Variants in YAF2 observed in about 807,000 individuals in gnomAD.
YAF2 encodes the protein YY1 associated factor 2.
In YAF2, 7 loss-of-function variants were observed where a neutral mutation model predicts 20.1. The observed-to-expected ratio is 0.35, with a 90% CI of 0.20 to 0.65. YAF2 has a LOEUF of 0.65. Ranked by LOEUF, YAF2 falls within the 30% of genes least tolerant of loss-of-function variation. The pLI is 0.69. For missense variants in YAF2, 151 were observed against 219.2 expected (o/e 0.69, Z 1.96); for synonymous variants, 74 against 76.0 (o/e 0.97, Z 0.14).
chr12:42,175,417 A>G (rs2066155325), intron 2 of YAF2, among the ~76,000 whole-genome samples: 1 of 152,064 alleles, frequency 6.6e-6, no homozygotes, highest in South Asian at 2.1e-4. Context: ...ACTCCAGAAA[A>G]TAATGGATGT....
chr12:42,213,846 TTTATC>T (rs2067279179), intron 2 of YAF2, among the ~76,000 whole-genome samples: 3 of 152,144 alleles, frequency 2.0e-5, no homozygotes, highest in South Asian at 2.1e-4. Flanking sequence ...CTCATTCTCT[TTTATC>T]TAATCTCAAA....
chr12:42,182,328 T>C (rs976199046), intron 2 of YAF2, among the ~76,000 whole-genome samples: 4 of 152,130 alleles, frequency 2.6e-5, no homozygotes, highest in African/African-American at 9.7e-5. Flanking sequence ...CACTATTACA[T>C]GGTAACAGGT....
chr12:42,206,140 C>A (rs2067033733), intron 2 of YAF2, among the ~76,000 whole-genome samples: 1 of 152,076 alleles, frequency 6.6e-6, no homozygotes. Context: ...TCAGTAACTT[C>A]TCTCTTTAGC....
chr12:42,206,360 G>C (rs995979338), intron 2 of YAF2, among the ~76,000 whole-genome samples: 1 of 150,034 alleles, frequency 6.7e-6, no homozygotes, highest in African/African-American at 2.5e-5. Flanking sequence ...TGTAATCCCA[G>C]CACCTTGGGA....
In YAF2 at chr12:42,218,691, A is replaced by G. The variant is rs189830512; in HGVS notation, c.152+18908T>C. Among the ~76,000 whole-genome samples the G allele has an allele frequency of 8.5e-5, 13 of 152,264 alleles. No individual in the cohort carries two copies. The East Asian group carries it at 2.5e-3, about 29-fold the overall frequency. On this transcript the variant is annotated intron_variant, in intron 2 of 3. Coordinates refer to ENST00000534854, the MANE Select transcript of YAF2 (RefSeq NM_005748.6). ...CTTTTGGGATTATGACTGGCTCCCA[A>G]AATAATCTTATTAAATGTTATCATA...
At chr12:42,191,031 T>A (rs1171266099) in intron 2 of YAF2, among the ~76,000 whole-genome samples, 1 of 152,186 alleles carries the variant, frequency 6.6e-6, no homozygotes, top group Admixed American at 6.5e-5. Flanking sequence ...AACAACAGAA[T>A]GATATATTTA....
intron 2 of YAF2, among the ~76,000 whole-genome samples, chr12:42,222,982 C>A (rs1165609888): frequency 6.7e-6 from 1 of 149,604 alleles, no homozygotes; most frequent in Admixed American, 6.7e-5. Flanking sequence ...GTGTTGGAAA[C>A]TCAGTAAAAA....
At chr12:42,178,392 C>T (rs1039035609) in intron 2 of YAF2, among the ~76,000 whole-genome samples, 1 of 152,100 alleles carries the variant, frequency 6.6e-6, no homozygotes, top group Non-Finnish European at 1.5e-5. Context: ...GCCTATAAAA[C>T]AAGATCAAAT....
At chr12:42,213,971 G>C (rs2067282477) in intron 2 of YAF2, among the ~76,000 whole-genome samples, 1 of 152,140 alleles carries the variant, frequency 6.6e-6, no homozygotes, top group East Asian at 1.9e-4. Context: ...CACCTAACTA[G>C]AATAGCCCAA....
At chr12:42,220,357 C>T (rs1388782913) in intron 2 of YAF2, among the ~76,000 whole-genome samples, 1 of 152,116 alleles carries the variant, frequency 6.6e-6, no homozygotes, top group African/African-American at 2.4e-5. Context: ...CTCCATCCCC[C>T]ACACCCAGAT....
At position 42,238,213 on chromosome 12, in the gene YAF2, G is replaced by C; in HGVS notation, c.-33C>G. On this transcript the variant is annotated 5_prime_UTR_variant, in exon 1 of 4. Coordinates refer to ENST00000534854, the MANE Select transcript of YAF2 (RefSeq NM_005748.6). Reference sequence around the variant, plus strand: ...CTATCACCGCACGCCGAGAGTCGCCGCCGCGACCGCTCTGTTTGTCAATAA... The same window carrying C: ...CTATCACCGCACGCCGAGAGTCGCCCCCGCGACCGCTCTGTTTGTCAATAA... 7.2e-7 allele frequency: 1 copy of C among 1,384,408 alleles called. No individual in the cohort carries two copies. Among genetic ancestry groups the C allele is most frequent in the Non-Finnish European group, 9.5e-7 (1 of 1,047,746 alleles). The allele number at this position is 1,384,408 out of a possible 1,614,324, so 85.8% of individuals were successfully genotyped here.
At chr12:42,187,435 C>T (rs1441850108) in intron 2 of YAF2, among the ~76,000 whole-genome samples, 2 of 152,082 alleles carry the variant, frequency 1.3e-5, no homozygotes, top group African/African-American at 2.4e-5. Context: ...GCTGGGATTA[C>T]AGCCCACCTT....
chr12:42,206,969 C>G (rs2067062919), intron 2 of YAF2, among the ~76,000 whole-genome samples: 1 of 152,006 alleles, frequency 6.6e-6, no homozygotes, highest in African/African-American at 2.4e-5. Context: ...TTTGCTTTAC[C>G]TTTTTTCTCT....
At chr12:42,213,273 A>G (rs2067262686) in intron 2 of YAF2, among the ~76,000 whole-genome samples, 1 of 152,270 alleles carries the variant, frequency 6.6e-6, no homozygotes, top group Non-Finnish European at 1.5e-5. Flanking sequence ...TTAACTTGGA[A>G]GCAGGTGTTC....
At chr12:42,233,942 A>C in intron 2 of YAF2, 2 of 979,490 alleles carry the variant, frequency 2.0e-6, no homozygotes, top group Non-Finnish European at 2.4e-6. Flanking sequence ...AAGCCGACGC[A>C]GACGGATCAC....
chr12:42,212,395 A>T (rs1157208767), intron 2 of YAF2: 2 of 419,686 alleles, frequency 4.8e-6, no homozygotes, highest in Non-Finnish European at 9.3e-6. Flanking sequence ...CAGGTACTAG[A>T]TACAGATATA....
At chr12:42,189,421 T>C (rs1054268275) in intron 2 of YAF2, among the ~76,000 whole-genome samples, 8 of 152,300 alleles carry the variant, frequency 5.3e-5, no homozygotes, top group Middle Eastern at 3.4e-3. Flanking sequence ...AAATGTACTA[T>C]AATTAAAGGT....
rs1466335704 is a variant in YAF2, at chr12:42,160,058, T to C, written c.*531A>G. On this transcript the variant is annotated 3_prime_UTR_variant, in exon 4 of 4. Coordinates refer to ENST00000534854, the MANE Select transcript of YAF2 (RefSeq NM_005748.6). ...AACATTGGCAAAGGTTCATACAAAT[T>C]CTTTATTTAATAACAATTTTCCTAT... 1 of 152,628 alleles carries C rather than the reference T, an allele frequency of 6.6e-6. No homozygotes were observed. Among genetic ancestry groups the C allele is most frequent in the Admixed American group, 6.5e-5 (1 of 15,274 alleles). The allele number at this position is 152,628 out of a possible 1,614,324, so 9.5% of individuals were successfully genotyped here.
intron 2 of YAF2, among the ~76,000 whole-genome samples, chr12:42,194,976 G>A (rs1348886986): frequency 6.6e-6 from 1 of 152,024 alleles, no homozygotes; most frequent in Non-Finnish European, 1.5e-5. Context: ...ATGTATACAT[G>A]GTACATCAAG....
Sources: gnomAD v4.1 joint callset for allele counts (sites outside exome capture counted in the v4.1 genomes callset) on GRCh38, gnomAD v4.1.1 for gene constraint, MANE v1.5 for transcripts, NCBI Gene and HGNC (gene_info 2026-07-23, HGNC 2026-07-21) for gene names.